Variants in ASPH observed in about 807,000 individuals in gnomAD.
The protein encoded by ASPH is aspartate beta-hydroxylase.
Under a neutral mutation model 118.4 loss-of-function variants are expected in ASPH, and 100 were observed. That is an observed-to-expected ratio of 0.84 (90% confidence interval 0.72 to 1.00). The LOEUF is 1.00. Ranked by LOEUF, ASPH falls within the 50% of genes least tolerant of loss-of-function variation. The probability of loss-of-function intolerance (pLI) is 0.00; values close to 1 mark genes in which losing one functional copy is unlikely to be tolerated. For synonymous variants in ASPH, 315 were observed against 325.6 expected, an observed-to-expected ratio of 0.97 and a Z score of 0.35; for missense variants, 920 against 919.5, an observed-to-expected ratio of 1.00 and a Z score of -0.01.
chr8:61,529,337 A>G (rs575432922), intron 21 of ASPH, among the ~76,000 whole-genome samples: 2 of 152,208 alleles, frequency 1.3e-5, no homozygotes, highest in Non-Finnish European at 2.9e-5. Context: ...GGTCAGGAGC[A>G]CTTGCAAGGT....
intron 21 of ASPH, 118 bp from the exon 22 acceptor site, chr8:61,526,230 G>T: frequency 7.6e-7 from 1 of 1,320,114 alleles, no homozygotes; most frequent in South Asian, 1.5e-5. Context: ...GCCTTATCTA[G>T]ATTGCTTATA....
intron 3 of ASPH, chr8:61,659,834 A>G (rs1322277673): frequency 6.6e-6 from 1 of 152,224 alleles, no homozygotes; most frequent in Non-Finnish European, 1.5e-5. Context: ...AGAGAGCTTA[A>G]CAACAAAATA....
chr8:61,711,673 C>G (rs990512535), intron 1 of ASPH, among the ~76,000 whole-genome samples: 3 of 151,952 alleles, frequency 2.0e-5, no homozygotes, highest in African/African-American at 4.8e-5. Flanking sequence ...AAGAAATCAC[C>G]TTTTCCCTAA....
intron 13 of ASPH, chr8:61,628,447 G>C (rs1375216775): frequency 3.6e-6 from 1 of 275,392 alleles, no homozygotes; most frequent in African/African-American, 2.3e-5. Flanking sequence ...GACACTACAT[G>C]CGTGAACCAC....
At chr8:61,678,373 C>A (rs1777876594) in intron 3 of ASPH, among the ~76,000 whole-genome samples, 2 of 151,882 alleles carry the variant, frequency 1.3e-5, no homozygotes, top group Admixed American at 6.6e-5. Flanking sequence ...ACAAAAGATA[C>A]CTATATTTTA....
At chr8:61,514,160 A>T (rs1007949797) in intron 24 of ASPH, among the ~76,000 whole-genome samples, 1 of 151,708 alleles carries the variant, frequency 6.6e-6, no homozygotes, top group Non-Finnish European at 1.5e-5. Flanking sequence ...GCCCTCTGTG[A>T]CTTTGTGCTA....
At chr8:61,620,351 T>A (rs1475617387) in intron 13 of ASPH, among the ~76,000 whole-genome samples, 1 of 152,168 alleles carries the variant, frequency 6.6e-6, no homozygotes, top group Non-Finnish European at 1.5e-5. Context: ...CAAAGCATAC[T>A]TTTTTTCCAC....
chr8:61,646,350 C>T (rs1305614874), intron 6 of ASPH, among the ~76,000 whole-genome samples: 1 of 152,146 alleles, frequency 6.6e-6, no homozygotes, highest in Non-Finnish European at 1.5e-5. Flanking sequence ...ATGCCTGGTA[C>T]AGAAGCTAAG....
chr8:61,701,879 C>T (rs930679032), intron 1 of ASPH, among the ~76,000 whole-genome samples: 2 of 152,134 alleles, frequency 1.3e-5, no homozygotes, highest in African/African-American at 2.4e-5. Context: ...AGAATTTTTA[C>T]TTTAATAAAC....
intron 13 of ASPH, among the ~76,000 whole-genome samples, chr8:61,630,512 T>C (rs1283680088): frequency 1.3e-5 from 2 of 152,180 alleles, no homozygotes; most frequent in East Asian, 1.9e-4. Context: ...TGGTTAAAAA[T>C]ACGGCCATGT....
intron 14 of ASPH, among the ~76,000 whole-genome samples, chr8:61,586,644 C>T (rs910247232): frequency 5.3e-5 from 8 of 152,238 alleles, no homozygotes; most frequent in African/African-American, 1.4e-4. Context: ...TTTAACTACA[C>T]GGAGAAGACC....
chr8:61,639,347 C>T (rs1456276921), intron 10 of ASPH, among the ~76,000 whole-genome samples: 1 of 152,130 alleles, frequency 6.6e-6, no homozygotes, highest in African/African-American at 2.4e-5. Flanking sequence ...CGCCTGTCTT[C>T]AGACCCTGAC....
chr8:61,687,619 T>C (rs1351704735), intron 1 of ASPH: 1 of 152,184 alleles, frequency 6.6e-6, no homozygotes, highest in Admixed American at 6.5e-5. Flanking sequence ...GGAAGTCATT[T>C]ATGATGAAAC....
intron 13 of ASPH, chr8:61,633,136 T>C (rs1252114195): frequency 3.9e-5 from 6 of 154,816 alleles, no homozygotes; most frequent in South Asian, 4.0e-4. Context: ...TATTAACTGG[T>C]GACAAGAGGG....
chr8:61,546,141 G>C (rs1368695949), intron 21 of ASPH, among the ~76,000 whole-genome samples: 1 of 152,190 alleles, frequency 6.6e-6, no homozygotes, highest in African/African-American at 2.4e-5. Context: ...CTCTTCCAGT[G>C]GCTGCTGGCA....
chr8:61,682,165 A>C (rs1231533217), intron 2 of ASPH, among the ~76,000 whole-genome samples: 1 of 152,080 alleles, frequency 6.6e-6, no homozygotes, highest in Non-Finnish European at 1.5e-5. Context: ...TGACTTAGCA[A>C]ACACATACAC....
intron 1 of ASPH, among the ~76,000 whole-genome samples, chr8:61,711,942 C>T (rs995792402): frequency 6.6e-6 from 1 of 152,190 alleles, no homozygotes; most frequent in South Asian, 2.1e-4. Flanking sequence ...AAATGTAGTA[C>T]TCATGGAGAC....
At chr8:61,547,948 G>A in intron 21 of ASPH, 123 bp downstream of exon 21, 1 of 1,310,364 alleles carries the variant, frequency 7.6e-7, no homozygotes, top group Non-Finnish European at 1.0e-6. Flanking sequence ...ATTATATTTT[G>A]CAAATGTCAC....
intron 14 of ASPH, among the ~76,000 whole-genome samples, chr8:61,599,402 C>T (rs1039783537): frequency 2.9e-4 from 44 of 149,738 alleles, no homozygotes; most frequent in African/African-American, 9.9e-4. Flanking sequence ...CACAGCAACA[C>T]GGCACATGTA....
Sources: gnomAD v4.1 joint callset for allele counts (sites outside exome capture counted in the v4.1 genomes callset) on GRCh38, gnomAD v4.1.1 for gene constraint, MANE v1.5 for transcripts, NCBI Gene and HGNC (gene_info 2026-07-23, HGNC 2026-07-21) for gene names.